Variants in ZBTB20 observed in about 807,000 individuals in gnomAD.
The protein encoded by ZBTB20 is zinc finger and BTB domain containing 20, also known as zinc finger and BTB domain-containing protein 20.
Under a neutral mutation model 56.9 loss-of-function variants are expected in ZBTB20, and 9 were observed. That is an observed-to-expected ratio of 0.16 (90% CI 0.10 to 0.28). The LOEUF (loss-of-function observed/expected upper bound fraction) is 0.28, where lower values mean the gene tolerates loss of function less well. Among genes scored for constraint, ZBTB20 ranks in the 10% least tolerant of loss-of-function variants. The pLI, the probability that ZBTB20 is intolerant of heterozygous loss-of-function variation, is 1.00. For missense variants in ZBTB20, 655 were observed against 1,003.0 expected, an observed-to-expected ratio of 0.65 and a Z score of 4.69; for synonymous variants, 417 against 420.7, an observed-to-expected ratio of 0.99 and a Z score of 0.11.
At chr3:114,745,271 T>C (rs1325900231) in intron 5 of ZBTB20, among the ~76,000 whole-genome samples, 1 of 152,156 alleles carries the variant, frequency 6.6e-6, no homozygotes, top group East Asian at 1.9e-4. Flanking sequence ...AAACAATGCT[T>C]ACCATGAATC....
chr3:114,867,416 A>G (rs2075810811), intron 4 of ZBTB20, among the ~76,000 whole-genome samples: 1 of 152,192 alleles, frequency 6.6e-6, no homozygotes, highest in African/African-American at 2.4e-5. Flanking sequence ...GAATTTATAG[A>G]AAAGGTCAAG....
In ZBTB20 at chr3:114,380,725, C is replaced by T. The variant is rs374601556; in HGVS notation, c.11+52G>A. ...CATTATCCAAGAAAGCATCCCTCTT[C>T]CCCCCTTAGGAGTTTTAACATGGTC... On this transcript the variant is annotated intron_variant, in intron 9 of 11. Coordinates refer to ENST00000675478, the MANE Select transcript of ZBTB20 (RefSeq NM_001348800.3). The T allele has an allele frequency of 9.2e-5, 135 of 1,467,934 alleles. No individual in the cohort carries two copies. In the African/African-American group the frequency reaches 1.7e-3, roughly 18 times the overall value. 90.9% of individuals were successfully genotyped at this position (1,467,934 alleles called of 1,614,324 possible).
At chr3:115,031,025 C>T (rs1437809723) in intron 2 of ZBTB20, among the ~76,000 whole-genome samples, 1 of 151,402 alleles carries the variant, frequency 6.6e-6, no homozygotes, top group Non-Finnish European at 1.5e-5. Context: ...ACATACATCC[C>T]TTCATAATTT....
intron 1 of ZBTB20, chr3:115,102,982 G>C (rs535147796): frequency 6.6e-6 from 1 of 150,854 alleles, no homozygotes; most frequent in African/African-American, 2.4e-5. Flanking sequence ...AAAAAAAAAA[G>C]GTGAAGAAGA....
At chr3:114,801,373 T>A (rs1240582534) in intron 4 of ZBTB20, among the ~76,000 whole-genome samples, 199 bp from the exon 5 acceptor site, 1 of 149,372 alleles carries the variant, frequency 6.7e-6, no homozygotes, top group Non-Finnish European at 1.5e-5. Context: ...GAGTAGTTTT[T>A]TAATGAAAAG....
chr3:115,011,757 CAG>C (rs1301728792), intron 2 of ZBTB20, among the ~76,000 whole-genome samples: 1 of 151,790 alleles, frequency 6.6e-6, no homozygotes, highest in Non-Finnish European at 1.5e-5. Flanking sequence ...CAGAACAACA[CAG>C]AACATTTTAA....
chr3:115,091,359 T>C (rs16823499), intron 1 of ZBTB20, among the ~76,000 whole-genome samples: 14,070 of 151,934 alleles, frequency 0.093, 1,909 homozygotes, highest in African/African-American at 0.3. Context: ...ACAAAAATCC[T>C]GTCAAATCAA....
chr3:114,699,774 A>T (rs1050590689), intron 5 of ZBTB20, among the ~76,000 whole-genome samples: 2 of 152,100 alleles, frequency 1.3e-5, no homozygotes, highest in Non-Finnish European at 2.9e-5. Flanking sequence ...AAGATCATTC[A>T]TTTCATGATT....
At chr3:114,434,094 T>G (rs1243267796) in intron 7 of ZBTB20, among the ~76,000 whole-genome samples, 1 of 152,132 alleles carries the variant, frequency 6.6e-6, no homozygotes, top group African/African-American at 2.4e-5. Flanking sequence ...TTTAGATGAT[T>G]ATTAACACCC....
intron 6 of ZBTB20, among the ~76,000 whole-genome samples, chr3:114,635,135 A>C (rs2059186530): frequency 6.6e-6 from 1 of 152,162 alleles, no homozygotes; most frequent in East Asian, 1.9e-4. Context: ...AGGGATAGTT[A>C]GCAAAAACTA....
rs1390978506 is a variant in ZBTB20, at chr3:114,323,412, G to A, written c.*15593C>T. 1 of 152,214 alleles carries A rather than the reference G, an allele frequency of 6.6e-6. No homozygotes were observed. 9.4% of individuals were successfully genotyped at this position (152,214 alleles called of 1,614,324 possible). On this transcript the variant is annotated 3_prime_UTR_variant, in exon 12 of 12. Coordinates refer to ENST00000675478, the MANE Select transcript of ZBTB20 (RefSeq NM_001348800.3). Reference sequence around the variant, plus strand: ...GTCATCTTAAAGGACTTTACCACATGCATAGCCTTCCTCTTTGGTTAGCCT... The same window carrying A: ...GTCATCTTAAAGGACTTTACCACATACATAGCCTTCCTCTTTGGTTAGCCT...
chr3:114,810,352 A>G (rs1471341313), intron 4 of ZBTB20, among the ~76,000 whole-genome samples: 1 of 152,160 alleles, frequency 6.6e-6, no homozygotes, highest in Non-Finnish European at 1.5e-5. Context: ...ACTTCAGGCT[A>G]CATATGATGT....
At chr3:114,527,207 G>T (rs2047325311) in intron 6 of ZBTB20, 1 of 152,154 alleles carries the variant, frequency 6.6e-6, no homozygotes, top group Non-Finnish European at 1.5e-5. Flanking sequence ...TGTAATGATT[G>T]TCTTGTTACT....
chr3:114,708,957 G>C (rs1271198106), intron 5 of ZBTB20, among the ~76,000 whole-genome samples: 8 of 152,076 alleles, frequency 5.3e-5, no homozygotes, highest in African/African-American at 1.7e-4. Context: ...CTTCTCTAAA[G>C]GCCTAAAAGT....
At chr3:114,449,004 A>T (rs2091440872) in intron 7 of ZBTB20, among the ~76,000 whole-genome samples, 1 of 152,148 alleles carries the variant, frequency 6.6e-6, no homozygotes, top group Non-Finnish European at 1.5e-5. Flanking sequence ...TATGTTGCAA[A>T]GAAATTCAAA....
chr3:115,097,766 A>C (rs1198091441), intron 1 of ZBTB20, among the ~76,000 whole-genome samples: 1 of 152,184 alleles, frequency 6.6e-6, no homozygotes. Context: ...TTTTTCTGGC[A>C]TTCTATAGCG....
chr3:114,748,284 T>TTCTC (rs2067221225), intron 5 of ZBTB20, among the ~76,000 whole-genome samples: 1 of 55,970 alleles, frequency 1.8e-5, no homozygotes, highest in African/African-American at 6.1e-5. Context: ...TGTAGCTTCT[T>TTCTC]TCTTTCTTTC....
intron 7 of ZBTB20, among the ~76,000 whole-genome samples, chr3:114,447,188 G>A (rs1354611750): frequency 6.6e-6 from 1 of 152,092 alleles, no homozygotes; most frequent in Non-Finnish European, 1.5e-5. Flanking sequence ...TTCCACAAAG[G>A]CACCTTACTA....
At chr3:114,881,842 T>C (rs1417212598) in intron 4 of ZBTB20, among the ~76,000 whole-genome samples, 3 of 151,906 alleles carry the variant, frequency 2.0e-5, no homozygotes, top group Admixed American at 1.3e-4. Context: ...TTTATTTTCA[T>C]TCTCAAAAAT....
Sources: allele counts gnomAD v4.1 joint callset (sites outside exome capture counted in the v4.1 genomes callset), GRCh38; gene constraint gnomAD v4.1.1; transcripts MANE v1.5; gene names NCBI Gene and HGNC (gene_info 2026-07-23, HGNC 2026-07-21).